Variants in TEX29 observed in about 807,000 individuals in gnomAD.
TEX29 encodes testis-expressed protein 29.
TEX29 carries 26 observed loss-of-function variants against 18.2 expected under a neutral mutation model. That is an observed-to-expected ratio of 1.43 (90% CI 1.04 to 1.98). The LOEUF is 1.98. Among genes scored for constraint, TEX29 ranks in the 30% most tolerant of loss-of-function variants. The pLI is 0.00. For synonymous variants in TEX29, 83 were observed against 78.5 expected, an observed-to-expected ratio of 1.06 and a Z score of -0.31; for missense variants, 177 against 194.2, an observed-to-expected ratio of 0.91 and a Z score of 0.53.
At chr13:111,320,988 G>GT in intron 2 of TEX29, 40 bp downstream of exon 2, 2 of 431,436 alleles carry the variant, frequency 4.6e-6, no homozygotes, top group African/African-American at 2.4e-5. Context: ...TGGGGTGGGG[G>GT]AGCAGTTGGG....
chr13:111,325,922 T>C (rs1056944487), intron 2 of TEX29, among the ~76,000 whole-genome samples: 14 of 152,260 alleles, frequency 9.2e-5, no homozygotes, highest in African/African-American at 3.4e-4. Context: ...ACATCCGCTG[T>C]CACCTGGAGC....
intron 3 of TEX29, among the ~76,000 whole-genome samples, chr13:111,329,210 C>A: frequency 6.6e-6 from 1 of 152,210 alleles, no homozygotes; most frequent in South Asian, 2.1e-4. Flanking sequence ...CGGAGGGGAG[C>A]AGCCTGCACA....
At chr13:111,319,704 C>T (rs75772762), upstream of TEX29, among the ~76,000 whole-genome samples, 1,600 of 152,244 alleles carry the variant, frequency 0.011, 12 homozygotes, top group South Asian at 0.022. Flanking sequence ...CACAGCTCAC[C>T]GCAACCTTGA....
At chr13:111,327,110 C>T (rs1239197911) in intron 2 of TEX29, among the ~76,000 whole-genome samples, 4 of 152,234 alleles carry the variant, frequency 2.6e-5, no homozygotes. Flanking sequence ...CACACAGCCA[C>T]CCCATGCAAC....
intron 3 of TEX29, among the ~76,000 whole-genome samples, chr13:111,331,591 G>C (rs2093682862): frequency 6.6e-6 from 1 of 151,642 alleles, no homozygotes; most frequent in Non-Finnish European, 1.5e-5. Flanking sequence ...TTTTCCTTTT[G>C]TTGCTTGTGC....
At position 111,326,418 on chromosome 13, in the gene TEX29, CGGTGGGCAG is replaced by C. The variant is rs2093673492; in HGVS notation, c.59-1764_59-1756del. Among the ~76,000 whole-genome samples, 26 of 145,676 alleles carry C rather than the reference CGGTGGGCAG, an allele frequency of 1.8e-4. 1 individual carries two copies. The highest frequency in any genetic ancestry group is 6.3e-4 in the East Asian group (3 of 4,756). ...AGGCTGTCTGGTGGGGTGGAGGAGACGGTGGGCAGCGTGAGCCTGGCGCTGGTGGGTGTC... is the reference window on the plus strand; with the variant it reads ...AGGCTGTCTGGTGGGGTGGAGGAGACCGTGAGCCTGGCGCTGGTGGGTGTC... On this transcript the variant is annotated intron_variant, in intron 2 of 5. Transcript: ENST00000283547.
At chr13:111,320,635 A>G, upstream of TEX29, 2 of 563,450 alleles carry the variant, frequency 3.5e-6, no homozygotes, top group Non-Finnish European at 6.4e-6. Context: ...GCCTGGTCCC[A>G]CAGTCCATAG....
intron 2 of TEX29, among the ~76,000 whole-genome samples, chr13:111,322,275 G>C (rs2093666010): frequency 6.7e-6 from 1 of 150,240 alleles, no homozygotes; most frequent in Non-Finnish European, 1.5e-5. Context: ...GGTGGAGTGG[G>C]AGGCCTGCGC....
chr13:111,329,549 C>T (rs2153641600), intron 3 of TEX29, among the ~76,000 whole-genome samples: 1 of 151,808 alleles, frequency 6.6e-6, no homozygotes, highest in East Asian at 1.9e-4. Flanking sequence ...GAATGAGTGA[C>T]TGATGGAAAT....
chr13:111,321,780 G>C (rs955131703), intron 2 of TEX29, among the ~76,000 whole-genome samples: 4 of 151,996 alleles, frequency 2.6e-5, no homozygotes, highest in Admixed American at 6.6e-5. Flanking sequence ...AAAATTAGCC[G>C]AGCGTGGTGG....
intron 2 of TEX29, among the ~76,000 whole-genome samples, chr13:111,326,540 G>GGAA (rs2093673898): frequency 7.2e-6 from 1 of 139,702 alleles, no homozygotes. Flanking sequence ...CTGGTGGGGT[G>GGAA]GAGACTGCGG....
chr13:111,335,390 T>A (rs1243892132), intron 3 of TEX29, among the ~76,000 whole-genome samples: 1 of 152,226 alleles, frequency 6.6e-6, no homozygotes, highest in African/African-American at 2.4e-5. Context: ...CGGCCTCTCA[T>A]ATGGCTTCAT....
chr13:111,342,096 C>T (rs557642189), intron 4 of TEX29, among the ~76,000 whole-genome samples: 1 of 152,280 alleles, frequency 6.6e-6, no homozygotes, highest in African/African-American at 2.4e-5. Context: ...CCCGGGGGGC[C>T]AAGGAAGCAG....
upstream of TEX29, chr13:111,316,359 T>G: frequency 2.2e-6 from 1 of 446,632 alleles, no homozygotes; most frequent in Non-Finnish European, 4.5e-6. Context: ...CACCACCCTC[T>G]GCTGCCTCGT....
chr13:111,317,204 G>A (rs913503301), upstream of TEX29, among the ~76,000 whole-genome samples: 6 of 152,096 alleles, frequency 3.9e-5, no homozygotes, highest in Non-Finnish European at 5.9e-5. Flanking sequence ...TGATGCTGCC[G>A]TGTAACATTC....
upstream of TEX29, among the ~76,000 whole-genome samples, chr13:111,317,723 C>T (rs2093656930): frequency 6.6e-6 from 1 of 152,242 alleles, no homozygotes; most frequent in South Asian, 2.1e-4. Context: ...CGGCCACAAT[C>T]TGAAGTCAGG....
intron 2 of TEX29, among the ~76,000 whole-genome samples, chr13:111,327,408 C>T (rs1202498139): frequency 6.6e-6 from 1 of 152,178 alleles, no homozygotes; most frequent in African/African-American, 2.4e-5. Flanking sequence ...ACAGAGGGGC[C>T]AGGGAAGACC....
chr13:111,320,839 A>AC lies in TEX29; in HGVS notation c.-34-16dup. The stretch of plus-strand genomic sequence containing the variant: ...CGTCCCCAGGGCCCCGCCCGTGCTG[A>AC]CCTCTCCTGTTTTCCAGGTGTGCTC... On this transcript the variant is annotated splice_polypyrimidine_tract_variant and intron_variant, in intron 1 of 5. Transcript: ENST00000283547. The AC allele has an allele frequency of 6.2e-7, 1 of 1,611,786 alleles. No homozygotes were observed. The highest frequency in any genetic ancestry group is 2.2e-5 in the East Asian group (1 of 44,822).
At chr13:111,321,730 C>T (rs2093664964) in intron 2 of TEX29, among the ~76,000 whole-genome samples, 1 of 152,128 alleles carries the variant, frequency 6.6e-6, no homozygotes, top group Non-Finnish European at 1.5e-5. Context: ...CCAGACCAGC[C>T]TGGCCAACAT....
Sources: allele counts gnomAD v4.1 joint callset (sites outside exome capture counted in the v4.1 genomes callset), GRCh38; gene constraint gnomAD v4.1.1; transcripts MANE v1.5; gene names NCBI Gene and HGNC (gene_info 2026-07-23, HGNC 2026-07-21).